NDEL1: variants seen among roughly 807,000 people sequenced by gnomAD.
NDEL1 encodes nuclear distribution protein nudE-like 1.
NDEL1 carries 9 observed loss-of-function variants against 45.7 expected under a neutral mutation model. That is an observed-to-expected ratio of 0.20 (90% CI 0.12 to 0.34). The LOEUF (loss-of-function observed/expected upper bound fraction) is 0.34. Ranked by LOEUF, NDEL1 falls within the 10% of genes least tolerant of loss-of-function variation. NDEL1 has a pLI of 1.00. For missense variants in NDEL1, 306 were observed against 406.2 expected, an observed-to-expected ratio of 0.75 and a Z score of 2.12; for synonymous variants, 133 against 158.6, an observed-to-expected ratio of 0.84 and a Z score of 1.21.
chr17:8,431,367 C>G (rs1567722066), upstream of NDEL1: 3 of 152,224 alleles, frequency 2.0e-5, no homozygotes, highest in Non-Finnish European at 4.4e-5. Context: ...GAAGTAAGAC[C>G]TACTTGAGTT....
chr17:8,446,652 TA>T (rs1910097006), intron 3 of NDEL1, 101 bp from the exon 4 acceptor site: 3 of 1,136,116 alleles, frequency 2.6e-6, no homozygotes, highest in Non-Finnish European at 3.6e-6. Flanking sequence ...AGAGTGTGGG[TA>T]AATTCCTTGG....
At chr17:8,413,767 C>T (rs1207660796) in intron 1 of NDEL1, among the ~76,000 whole-genome samples, 2 of 152,160 alleles carry the variant, frequency 1.3e-5, no homozygotes, top group Non-Finnish European at 2.9e-5. Flanking sequence ...AAATGTAAGA[C>T]ATCTCTATTT....
chr17:8,444,624 T>C (rs1909963346), intron 2 of NDEL1: 1 of 308,486 alleles, frequency 3.2e-6, no homozygotes, highest in Non-Finnish European at 6.1e-6. Context: ...TGCTTTTTAG[T>C]AGGCGGGGCC....
At chr17:8,425,136 T>C (rs1908800692) in intron 1 of NDEL1, among the ~76,000 whole-genome samples, 1 of 152,258 alleles carries the variant, frequency 6.6e-6, no homozygotes, top group South Asian at 2.1e-4. Flanking sequence ...ATATAGACTC[T>C]CTTCTTTGCT....
intron 8 of NDEL1, among the ~76,000 whole-genome samples, chr17:8,462,290 TGTGA>T (rs933119001): frequency 6.6e-6 from 1 of 152,156 alleles, no homozygotes. Flanking sequence ...CTGGCTGTTG[TGTGA>T]GTGTTTAGCT....
At chr17:8,447,502 T>C (rs1389533442) in intron 4 of NDEL1, among the ~76,000 whole-genome samples, 1 of 152,214 alleles carries the variant, frequency 6.6e-6, no homozygotes, top group African/African-American at 2.4e-5. Flanking sequence ...ATCTTCCCTC[T>C]GTGCTCTTAA....
Position 8,428,350 on chromosome 17 carries a change from G to T in NDEL1, c.-13+15081G>T, listed in dbSNP as rs1205030641. Reference sequence around the variant, plus strand: ...TGTGTGTGTGTGTGTGTGTGTGTGTGTGTGTGTGTGTATTTTTTTTTTTTT... The same window carrying T: ...TGTGTGTGTGTGTGTGTGTGTGTGTTTGTGTGTGTGTATTTTTTTTTTTTT... On this transcript the variant is annotated intron_variant, in intron 1 of 4. Coordinates refer to the NDEL1 transcript ENST00000582812. Among the ~76,000 whole-genome samples the T allele has an allele frequency of 6.4e-5, 6 of 94,280 alleles. 1 individual carries two copies. Among genetic ancestry groups the T allele is most frequent in the South Asian group, 8.9e-4 (2 of 2,242 alleles). 61.9% of individuals were successfully genotyped at this position (94,280 alleles called of 152,430 possible).
chr17:8,473,713 C>T (rs549735377), intron 3 of NDEL1, among the ~76,000 whole-genome samples: 4 of 152,278 alleles, frequency 2.6e-5, no homozygotes, highest in Admixed American at 6.5e-5. Context: ...CCAGTCTAAC[C>T]GGAGAATATT....
In NDEL1 at chr17:8,414,278, T is replaced by C. The variant is rs116142238; in HGVS notation, c.-13+1009T>C. On this transcript the variant is annotated intron_variant, in intron 1 of 4. Coordinates refer to the NDEL1 transcript ENST00000582812. ...ACTGAATGTACATCTTTGCATACTATTATTTCCTTAGAATAAATCCTTAGA... is the reference window on the plus strand; with the variant it reads ...ACTGAATGTACATCTTTGCATACTACTATTTCCTTAGAATAAATCCTTAGA... 8.0e-3 allele frequency among the ~76,000 whole-genome samples: 1,220 copies of C among 152,282 alleles called. 13 individuals carry two copies. Among genetic ancestry groups the C allele is most frequent in the African/African-American group, 0.028 (1,162 of 41,554 alleles).
intron 8 of NDEL1, chr17:8,466,340 A>T (rs1911588578): frequency 6.5e-6 from 1 of 152,974 alleles, no homozygotes. Context: ...GTATGTATAT[A>T]TACATTTATT....
chr17:8,459,932 A>T (rs1431797362), intron 7 of NDEL1, 77 bp from the exon 8 acceptor site: 3 of 1,451,316 alleles, frequency 2.1e-6, no homozygotes, highest in African/African-American at 2.8e-5. Context: ...GGCTTGAAAT[A>T]GAAATGGTTT....
intron 7 of NDEL1, among the ~76,000 whole-genome samples, chr17:8,456,899 C>G (rs548852790): frequency 1.1e-4 from 16 of 152,268 alleles, no homozygotes; most frequent in African/African-American, 3.6e-4. Flanking sequence ...TGTGTGAGCT[C>G]TCTGTTGGTT....
upstream of NDEL1, among the ~76,000 whole-genome samples, chr17:8,433,310 C>T (rs1376030243): frequency 6.6e-6 from 1 of 152,284 alleles, no homozygotes; most frequent in East Asian, 1.9e-4. Flanking sequence ...TGCTGTTAAT[C>T]ATTGATCCTT....
intron 2 of NDEL1, chr17:8,444,644 C>T: frequency 3.6e-6 from 1 of 278,008 alleles, no homozygotes; most frequent in Non-Finnish European, 6.9e-6. Context: ...CATCTTTGGC[C>T]CGTTTTGCAT....
intron 1 of NDEL1, among the ~76,000 whole-genome samples, chr17:8,418,834 TCTTTC>T (rs1567718706): frequency 1.6e-5 from 2 of 126,316 alleles, no homozygotes; most frequent in Non-Finnish European, 3.6e-5. Context: ...TCTCTCTCTC[TCTTTC>T]TCTTTCTCTC....
chr17:8,470,355 G>GCT (rs1911805816), downstream of NDEL1, among the ~76,000 whole-genome samples: 4 of 152,130 alleles, frequency 2.6e-5, no homozygotes, highest in African/African-American at 4.8e-5. The surrounding 1 kb of genome is among the most constrained non-coding windows in gnomAD (Gnocchi z 4.2). Flanking sequence ...TGATCTCCCG[G>GCT]GTGGTGGACA....
rs1327361502 is a variant in NDEL1, at chr17:8,444,254, T to C, written c.-12-6T>C. 4 of 1,566,262 alleles carry C rather than the reference T, an allele frequency of 2.6e-6. No individual in the cohort carries two copies. The highest frequency in any genetic ancestry group is 2.2e-5 in the East Asian group (1 of 44,600). The stretch of plus-strand genomic sequence containing the variant: ...ATTTGTTAAGTTTGTCTTTAATATT[T>C]CACAGGCTTTCTTGATCATGGATGG... On this transcript the variant is annotated splice_polypyrimidine_tract_variant and splice_region_variant and intron_variant, in intron 1 of 8. Coordinates refer to ENST00000334527, the MANE Select transcript of NDEL1 (RefSeq NM_030808.5).
chr17:8,459,831 A>G (rs1911084455), intron 7 of NDEL1, among the ~76,000 whole-genome samples, 178 bp from the exon 8 acceptor site: 1 of 152,218 alleles, frequency 6.6e-6, no homozygotes. Flanking sequence ...GTCATTAGAA[A>G]GGGAGCATAA....
intron 1 of NDEL1, among the ~76,000 whole-genome samples, chr17:8,418,743 CT>C (rs1908631655): frequency 6.8e-6 from 1 of 146,184 alleles, no homozygotes; most frequent in African/African-American, 2.5e-5. Context: ...TTCCTTTGTT[CT>C]TTCCTTCCTT....
Sources: allele counts gnomAD v4.1 joint callset (sites outside exome capture counted in the v4.1 genomes callset), GRCh38; gene constraint gnomAD v4.1.1; non-coding constraint Gnocchi (gnomAD v3.1); transcripts MANE v1.5; gene names NCBI Gene and HGNC (gene_info 2026-07-23, HGNC 2026-07-21).